Variants in EXD1 observed in about 807,000 individuals in gnomAD.
The protein encoded by EXD1 is exonuclease 3'-5' domain containing 1.
A neutral mutation model predicts 49.1 loss-of-function variants in EXD1; 63 were observed. The ratio of observed to expected loss-of-function variants is 1.28; its 90% CI spans 1.05 to 1.58. The LOEUF (loss-of-function observed/expected upper bound fraction) is 1.58, where lower values mean the gene tolerates loss of function less well. Ranked by LOEUF, EXD1 falls within the 40% of genes most tolerant of loss-of-function variation. The pLI is 0.00. For missense variants in EXD1, 748 were observed against 666.0 expected, an observed-to-expected ratio of 1.12 and a Z score of -1.36; for synonymous variants, 234 against 239.2, an observed-to-expected ratio of 0.98 and a Z score of 0.20.
intron 1 of EXD1, 84 bp downstream of exon 1, chr15:41,230,395 C>A (rs2047222026): frequency 8.1e-6 from 12 of 1,477,710 alleles, no homozygotes; most frequent in Non-Finnish European, 8.5e-6. Flanking sequence ...CCTTTTTAAT[C>A]AAAACAAACA....
At chr15:41,197,407 T>C (rs1217384601) in intron 7 of EXD1, among the ~76,000 whole-genome samples, 4 of 151,618 alleles carry the variant, frequency 2.6e-5, no homozygotes, top group Non-Finnish European at 5.9e-5. Context: ...GTTTTTCTTT[T>C]TGTATTTTTA....
rs2047006486 is a variant in EXD1 at position 41,216,791 on chromosome 15, G to A, written c.265C>T (p.His89Tyr). ...VRAKASSVSL[H>Y]AERTWMEKMK... is the part of the protein sequence containing the mutation. ...TTCTCCATCCAGGTTCTTTCTGCATGTAGACTATCCTTACAAGAAACAATA... is the reference window on the plus strand; with the variant it reads ...TTCTCCATCCAGGTTCTTTCTGCATATAGACTATCCTTACAAGAAACAATA... Residue 89 changes from histidine to tyrosine, a missense_variant, in exon 5 of 12, where the codon CAT (histidine) becomes TAT (tyrosine). Transcript: ENST00000458580. 1.2e-6 allele frequency: 2 copies of A among 1,613,380 alleles called. No individual in the cohort carries two copies. The highest frequency in any genetic ancestry group is 1.1e-5 in the South Asian group (1 of 90,960).
intron 9 of EXD1, chr15:41,192,181 A>G (rs2046531293): frequency 6.5e-6 from 1 of 152,702 alleles, no homozygotes; most frequent in South Asian, 2.1e-4. Flanking sequence ...AGCGCCCTAC[A>G]GTCCAAAACT....
chr15:41,189,040 G>A (rs1329852054), intron 11 of EXD1, among the ~76,000 whole-genome samples: 1 of 151,710 alleles, frequency 6.6e-6, no homozygotes, highest in Non-Finnish European at 1.5e-5. Context: ...CTGACCTCAG[G>A]CCTATAGTTT....
At chr15:41,205,420 T>C (rs1352703211) in intron 7 of EXD1, among the ~76,000 whole-genome samples, 1 of 143,132 alleles carries the variant, frequency 7.0e-6, no homozygotes, top group Non-Finnish European at 1.5e-5. Flanking sequence ...CCACTAAATT[T>C]AAGCATGTGA....
At chr15:41,214,190 C>T (rs2046965089) in intron 6 of EXD1, among the ~76,000 whole-genome samples, 1 of 151,788 alleles carries the variant, frequency 6.6e-6, no homozygotes, top group African/African-American at 2.4e-5. Flanking sequence ...AAACAAAAAC[C>T]TTTTGATAGC....
chr15:41,212,490 G>A (rs1274788798), intron 6 of EXD1, among the ~76,000 whole-genome samples: 1 of 151,928 alleles, frequency 6.6e-6, no homozygotes, highest in Non-Finnish European at 1.5e-5. Context: ...CAGACTGCTG[G>A]TAGAAATGTA....
chr15:41,230,443 T>C, intron 1 of EXD1, 36 bp downstream of exon 1: 1 of 1,599,118 alleles, frequency 6.3e-7, no homozygotes, highest in Non-Finnish European at 8.6e-7. Context: ...TTCTCATTTT[T>C]AAGACAAAAT....
chr15:41,209,239 C>T (rs537234358), intron 7 of EXD1, among the ~76,000 whole-genome samples: 1 of 152,160 alleles, frequency 6.6e-6, no homozygotes, highest in African/African-American at 2.4e-5. Flanking sequence ...GCCTGGGCAA[C>T]ACAGCAAGAC....
intron 2 of EXD1, among the ~76,000 whole-genome samples, chr15:41,222,517 G>A (rs896293293): frequency 4.6e-5 from 7 of 152,080 alleles, no homozygotes; most frequent in East Asian, 1.9e-4. Flanking sequence ...TTCTAGGTAC[G>A]AATTAGTTGA....
chr15:41,198,266 T>C (rs752285378), intron 7 of EXD1, among the ~76,000 whole-genome samples: 1 of 152,000 alleles, frequency 6.6e-6, no homozygotes, highest in Non-Finnish European at 1.5e-5. Flanking sequence ...GACAAACCCA[T>C]GATTAGAGGG....
chr15:41,213,646 C>T (rs184737598), intron 6 of EXD1, among the ~76,000 whole-genome samples: 44 of 151,986 alleles, frequency 2.9e-4, no homozygotes, highest in African/African-American at 9.4e-4. Flanking sequence ...TTACAAGTGC[C>T]CACCACCACA....
In EXD1 at chr15:41,226,568, G is replaced by T; in HGVS notation, c.8C>A (p.Pro3His). 6.5e-7 allele frequency: 1 copy of T among 1,535,628 alleles called. No homozygotes were observed. Among genetic ancestry groups the T allele is most frequent in the Non-Finnish European group, 8.7e-7 (1 of 1,146,726 alleles). Residue 3 changes from proline (P) to histidine (H), a missense_variant, in exon 2 of 12, where the codon CCC (proline) becomes CAC (histidine). Coordinates refer to ENST00000458580, the MANE Select transcript of EXD1 (RefSeq NM_001286441.2). MD[P>H]SSDYHFLSQI... ...GCTGAGGAAATGGTAGTCACTGCTGGGGTCCATGCTAATTGATTCCAAAAG... is the reference window on the plus strand; with the variant it reads ...GCTGAGGAAATGGTAGTCACTGCTGTGGTCCATGCTAATTGATTCCAAAAG...
intron 6 of EXD1, among the ~76,000 whole-genome samples, chr15:41,213,006 A>G (rs891159269): frequency 3.9e-5 from 6 of 151,928 alleles, no homozygotes; most frequent in African/African-American, 1.5e-4. Flanking sequence ...GTGCCACTGC[A>G]CTCCAACCTG....
chr15:41,190,026 C>G lies in EXD1; in HGVS notation c.967G>C (p.Asp323His), dbSNP rs1165003931. The change falls in exon 11 of 12, where the codon GAT becomes CAT. Residue 323 changes from aspartate (D) to histidine (H), a missense_variant. Coordinates refer to ENST00000458580, the MANE Select transcript of EXD1 (RefSeq NM_001286441.2). ...YLLPLRLALL[D>H]EMMSDLTTLV... The stretch of plus-strand genomic sequence containing the variant: ...GTGGTTAGGTCAGACATCATCTCAT[C>G]TAGGAGTGCCAAGCGAAGGGGTAAC... 2.5e-6 allele frequency: 4 copies of G among 1,613,994 alleles called. No homozygotes were observed. Among genetic ancestry groups the G allele is most frequent in the Non-Finnish European group, 3.4e-6 (4 of 1,180,040 alleles).
intron 6 of EXD1, among the ~76,000 whole-genome samples, chr15:41,214,039 C>T (rs1019442861): frequency 6.6e-6 from 1 of 151,972 alleles, no homozygotes; most frequent in Non-Finnish European, 1.5e-5. Flanking sequence ...CAGTGGCAGG[C>T]GCCTGTAGTC....
At chr15:41,207,264 G>A (rs937527225) in intron 7 of EXD1, among the ~76,000 whole-genome samples, 4 of 151,200 alleles carry the variant, frequency 2.6e-5, no homozygotes, top group African/African-American at 9.7e-5. Context: ...GCCTCTGGCA[G>A]GGTGTGGTGG....
At position 41,230,712 on chromosome 15, in the gene EXD1, A is replaced by T; in HGVS notation, c.-287T>A. The T allele has an allele frequency of 1.4e-6, 1 of 691,264 alleles. No individual in the cohort carries two copies. The allele number at this position is 691,264 out of a possible 1,614,324, so 42.8% of individuals were successfully genotyped here. On this transcript the variant is annotated 5_prime_UTR_variant, in exon 1 of 12. Coordinates refer to ENST00000458580, the MANE Select transcript of EXD1 (RefSeq NM_001286441.2). ...GAAAGGTCCGCGACGCCGGGGACAC[A>T]CGCCGCAGAGGCGACGCCCGCCCGG...
At chr15:41,217,339 G>A (rs1239002024) in intron 3 of EXD1, among the ~76,000 whole-genome samples, 185 bp from the exon 4 acceptor site, 1 of 152,214 alleles carries the variant, frequency 6.6e-6, no homozygotes, top group Non-Finnish European at 1.5e-5. Context: ...AAGTACCAAA[G>A]ACTCTCAGTA....
Sources: gnomAD v4.1 joint callset for allele counts (sites outside exome capture counted in the v4.1 genomes callset) on GRCh38, gnomAD v4.1.1 for gene constraint, MANE v1.5 for transcripts, NCBI Gene and HGNC (gene_info 2026-07-23, HGNC 2026-07-21) for gene names.